Variants in ARHGEF18 observed in about 807,000 individuals in gnomAD.
ARHGEF18 encodes rho guanine nucleotide exchange factor 18.
Under a neutral mutation model 155.7 loss-of-function variants are expected in ARHGEF18, and 93 were observed. The ratio of observed to expected loss-of-function variants is 0.60; its 90% CI spans 0.50 to 0.71. The LOEUF is 0.71. Among genes scored for constraint, ARHGEF18 ranks in the 30% least tolerant of loss-of-function variants. The pLI, the probability that ARHGEF18 is intolerant of heterozygous loss-of-function variation, is 0.00. For synonymous variants in ARHGEF18, 742 were observed against 753.1 expected (o/e 0.99, Z 0.24); for missense variants, 1,593 against 1,816.1 (o/e 0.88, Z 2.23).
intron 1 of ARHGEF18, among the ~76,000 whole-genome samples, chr19:7,362,035 G>A (rs75338135): frequency 0.14 from 7,117 of 50,918 alleles, 698 homozygotes; most frequent in East Asian, 0.25. Flanking sequence ...GAAGGAGAAG[G>A]AGAAGGAGAA....
intron 19 of ARHGEF18, among the ~76,000 whole-genome samples, chr19:7,459,277 G>A (rs7254814): frequency 0.18 from 27,979 of 151,900 alleles, 2,862 homozygotes; most frequent in Non-Finnish European, 0.23. Flanking sequence ...GCTGGAGTGC[G>A]CTGGCACAAT....
intron 10 of ARHGEF18, chr19:7,439,808 GACTAT>G: frequency 7.0e-7 from 1 of 1,435,318 alleles, no homozygotes; most frequent in Non-Finnish European, 9.1e-7. Flanking sequence ...CATGATCTTA[GACTAT>G]TTACAGCAAA....
At chr19:7,389,930 G>A (rs545923962) in intron 10 of ARHGEF18, among the ~76,000 whole-genome samples, 7 of 152,230 alleles carry the variant, frequency 4.6e-5, no homozygotes, top group East Asian at 3.9e-4. Context: ...GGCCGGGCGC[G>A]GAAGCTCACT....
At chr19:7,434,033 AAAAAG>A (rs1974117811) in intron 10 of ARHGEF18, among the ~76,000 whole-genome samples, 3 of 121,412 alleles carry the variant, frequency 2.5e-5, no homozygotes, top group Admixed American at 8.6e-5. Flanking sequence ...AAAAAAAAAA[AAAAAG>A]AAAAAAAAAG....
At chr19:7,469,496 G>A (rs9677021) in intron 27 of ARHGEF18, among the ~76,000 whole-genome samples, 51,372 of 152,084 alleles carry the variant, frequency 0.34, 9,052 homozygotes, top group Middle Eastern at 0.5. Flanking sequence ...CCACAGAGCC[G>A]TTCCACAGAG....
At chr19:7,379,449 C>T (rs942044121) in intron 7 of ARHGEF18, among the ~76,000 whole-genome samples, 1 of 152,244 alleles carries the variant, frequency 6.6e-6, no homozygotes, top group Admixed American at 6.5e-5. Flanking sequence ...ATCCCAGCTA[C>T]TCAGGAGGCT....
chr19:7,479,712 T>C, the ARHGEF18 span, among the ~76,000 whole-genome samples: 1 of 151,598 alleles, frequency 6.6e-6, no homozygotes, highest in Admixed American at 6.6e-5. Context: ...AGGACTTCGA[T>C]GGCCGTGAAA....
At chr19:7,419,977 G>A (rs550045911) in intron 10 of ARHGEF18, among the ~76,000 whole-genome samples, 1 of 112,676 alleles carries the variant, frequency 8.9e-6, no homozygotes, top group Non-Finnish European at 1.6e-5. Flanking sequence ...CCCCAGGTGC[G>A]CCCACACTCG....
rs1161216555 is a variant in ARHGEF18 at position 7,381,006 on chromosome 19, G to A, written c.722+12G>A. ...GAATTCCTGTCGGAGTAAGTACACAGATCTGCTTCTGGGGAGGGCAGCCTT... is the reference window on the plus strand; with the variant it reads ...GAATTCCTGTCGGAGTAAGTACACAAATCTGCTTCTGGGGAGGGCAGCCTT... On this transcript the variant is annotated intron_variant, in intron 8 of 28. Transcript: ENST00000668164. 1.6e-6 allele frequency: 2 copies of A among 1,231,982 alleles called. No homozygotes were observed. The highest frequency in any genetic ancestry group is 3.1e-5 in the African/African-American group (2 of 64,412). 76.3% of individuals were successfully genotyped at this position (1,231,982 alleles called of 1,614,324 possible). A position where few individuals can be genotyped will look rare whatever the true frequency, so the allele number is the denominator to read the frequency against.
intron 10 of ARHGEF18, among the ~76,000 whole-genome samples, chr19:7,404,676 G>A (rs994777859): frequency 5.3e-5 from 8 of 151,848 alleles, no homozygotes; most frequent in African/African-American, 1.9e-4. Flanking sequence ...CTATTAAAAG[G>A]CCTTTTAGAT....
At position 7,418,752 on chromosome 19, in the gene ARHGEF18, A is replaced by G. The variant is rs150804164; in HGVS notation, c.968-21592A>G. Reference sequence around the variant, plus strand: ...ACACCTGCCCTCTCTGCCCCGGCCCATGTGGCTGATGGAGTTGTCGGTGTG... The same window carrying G: ...ACACCTGCCCTCTCTGCCCCGGCCCGTGTGGCTGATGGAGTTGTCGGTGTG... On this transcript the variant is annotated intron_variant, in intron 10 of 28. Transcript: ENST00000668164. Among the ~76,000 whole-genome samples, 392 of 152,162 alleles carry G rather than the reference A, an allele frequency of 2.6e-3. 11 individuals are homozygous for G. In the East Asian group the frequency reaches 0.065, roughly 25 times the overall value.
At chr19:7,369,299 T>C (rs1360266132) in intron 2 of ARHGEF18, among the ~76,000 whole-genome samples, 1 of 151,496 alleles carries the variant, frequency 6.6e-6, no homozygotes, top group Non-Finnish European at 1.5e-5. Flanking sequence ...CTATCTCTAC[T>C]AAAAATACGA....
intron 10 of ARHGEF18, among the ~76,000 whole-genome samples, chr19:7,412,066 C>T (rs571294367): frequency 3.3e-5 from 5 of 150,212 alleles, no homozygotes; most frequent in African/African-American, 7.3e-5. Context: ...GATGGAGTCT[C>T]GCTCTGTCAC....
rs1185709548 is a variant in ARHGEF18, at chr19:7,361,991, G to GGAAGAAGAAGAA, written c.-110-776_-110-765dup. 3.4e-4 allele frequency among the ~76,000 whole-genome samples: 27 copies of GGAAGAAGAAGAA among 79,216 alleles called. 2 individuals carry two copies. The highest frequency in any genetic ancestry group is 1.1e-3 in the African/African-American group (21 of 18,328). The allele number at this position is 79,216 out of a possible 152,430, so 52.0% of individuals were successfully genotyped here. A position where few individuals can be genotyped will look rare whatever the true frequency, so the allele number is the denominator to read the frequency against. On this transcript the variant is annotated intron_variant, in intron 1 of 28. Transcript: ENST00000668164. ...TGGGGGCAACAGAGCAAGACTCTGT[G>GGAAGAAGAAGAA]GAAGAAGAAGAAGAAGAAGAAGAAG... is the stretch of plus-strand genomic sequence containing the variant.
chr19:7,375,541 C>T (rs1247405042), intron 3 of ARHGEF18, among the ~76,000 whole-genome samples, 179 bp from the exon 4 acceptor site: 1 of 152,204 alleles, frequency 6.6e-6, no homozygotes, highest in Non-Finnish European at 1.5e-5. Context: ...TTTGTCCTCT[C>T]CCCCTTGCCA....
At chr19:7,363,390 TGGAA>T (rs775342502) in intron 2 of ARHGEF18, among the ~76,000 whole-genome samples, 3 of 150,790 alleles carry the variant, frequency 2.0e-5, no homozygotes, top group African/African-American at 7.3e-5. Context: ...GATGGACTGA[TGGAA>T]GGAAGGAGGA....
intron 1 of ARHGEF18, among the ~76,000 whole-genome samples, chr19:7,352,416 G>T (rs1374142058): frequency 6.6e-6 from 1 of 151,580 alleles, no homozygotes; most frequent in Non-Finnish European, 1.5e-5. Flanking sequence ...GCTACATTCA[G>T]GTTCTCAGGC....
Position 7,416,877 on chromosome 19 carries a change from A to G in ARHGEF18, c.968-23467A>G, listed in dbSNP as rs150065417. On this transcript the variant is annotated intron_variant, in intron 10 of 28. Transcript: ENST00000668164. ...CTCAGCCTCCCAAAGTGTTGGGATTACAGGCGTGAGCCACCATGCCCGGCT... is the reference window on the plus strand; with the variant it reads ...CTCAGCCTCCCAAAGTGTTGGGATTGCAGGCGTGAGCCACCATGCCCGGCT... Among the ~76,000 whole-genome samples the G allele has an allele frequency of 3.7e-4, 56 of 152,088 alleles. 1 individual carries two copies. The East Asian group carries it at 0.01, about 28-fold the overall frequency.
chr19:7,415,353 A>C (rs1600358896), intron 10 of ARHGEF18, among the ~76,000 whole-genome samples: 1 of 148,300 alleles, frequency 6.7e-6, no homozygotes, highest in Non-Finnish European at 1.5e-5. Flanking sequence ...TCTGCCCCCC[A>C]CTTCATGGCC....
Sources: gnomAD v4.1 joint callset for allele counts (sites outside exome capture counted in the v4.1 genomes callset) on GRCh38, gnomAD v4.1.1 for gene constraint, MANE v1.5 for transcripts, NCBI Gene and HGNC (gene_info 2026-07-23, HGNC 2026-07-21) for gene names.